The following TIAM2 variants were observed in gnomAD, a reference collection of about 807,000 sequenced individuals.
TIAM2 encodes TIAM Rac1 associated GEF 2.
A neutral mutation model predicts 152.9 loss-of-function variants in TIAM2; 80 were observed. The ratio of observed to expected loss-of-function variants is 0.52; its 90% CI spans 0.44 to 0.63. The LOEUF (loss-of-function observed/expected upper bound fraction) is 0.63. Among genes scored for constraint, TIAM2 ranks in the 30% least tolerant of loss-of-function variants. TIAM2 has a pLI of 0.00. For synonymous variants in TIAM2, 804 were observed against 838.0 expected (o/e 0.96, Z 0.70); for missense variants, 1,965 against 2,120.1 (o/e 0.93, Z 1.44).
Position 155,257,269 on chromosome 6 carries a change from T to A in TIAM2, c.*148T>A. 1 of 882,106 alleles carries A rather than the reference T, an allele frequency of 1.1e-6. No homozygotes were observed. Among genetic ancestry groups the A allele is most frequent in the East Asian group, 2.7e-5 (1 of 37,462 alleles). The allele number at this position is 882,106 out of a possible 1,614,324, so 54.6% of individuals were successfully genotyped here. A position where few individuals can be genotyped will look rare whatever the true frequency, so the allele number is the denominator to read the frequency against. ...TTTCCCACAAAATGGTTGTAAAGAT[T>A]TAAGTTATTTTAATTTATTGTGGAT... On this transcript the variant is annotated 3_prime_UTR_variant, in exon 27 of 27. Coordinates refer to ENST00000682666, the MANE Select transcript of TIAM2 (RefSeq NM_012454.4).
intron 5 of TIAM2, among the ~76,000 whole-genome samples, chr6:155,141,107 C>A (rs1482670122): frequency 2.6e-5 from 4 of 152,152 alleles, no homozygotes; most frequent in African/African-American, 9.7e-5. Context: ...TTGGCTAGGT[C>A]CTGCTTTCCT....
At chr6:155,210,446 GT>G (rs1485911734) in intron 14 of TIAM2, among the ~76,000 whole-genome samples, 1 of 151,552 alleles carries the variant, frequency 6.6e-6, no homozygotes, top group Non-Finnish European at 1.5e-5. Flanking sequence ...AGCCGTCCAA[GT>G]AGCTGGGATT....
Position 155,015,291 on chromosome 6 carries a change from T to C in TIAM2, c.-209+19799T>C, listed in dbSNP as rs139363669. ...GAGTTGGGGGAAGATTACATTTGGG[T>C]CAAGTCAAGGAGAGTTTGGGTTTGA... On this transcript the variant is annotated intron_variant, in intron 1 of 26. Coordinates refer to ENST00000682666, the MANE Select transcript of TIAM2 (RefSeq NM_012454.4). Among the ~76,000 whole-genome samples, 906 of 152,168 alleles carry C rather than the reference T, an allele frequency of 6.0e-3. 9 individuals carry two copies. Among genetic ancestry groups the C allele is most frequent in the Non-Finnish European group, 6.2e-3 (424 of 68,014 alleles).
At position 155,126,800 on chromosome 6, in the gene TIAM2, C is replaced by T. The variant is rs141145617; in HGVS notation, c.-117-690C>T. Among the ~76,000 whole-genome samples, 82 of 150,470 alleles carry T rather than the reference C, an allele frequency of 5.4e-4. 3 individuals carry two copies. Among genetic ancestry groups the T allele is most frequent in the African/African-American group, 2.0e-3 (82 of 40,952 alleles). ...TGTTATCCATGTTTGACCACAATTACAAATAAACTTTTTTTTTTTTTTTTA... is the reference window on the plus strand; with the variant it reads ...TGTTATCCATGTTTGACCACAATTATAAATAAACTTTTTTTTTTTTTTTTA... On this transcript the variant is annotated intron_variant, in intron 2 of 26. Transcript: ENST00000682666.
intron 14 of TIAM2, among the ~76,000 whole-genome samples, chr6:155,187,573 C>CCTTTTTTTTTTTTTTTTTTTT (rs1189509294): frequency 8.1e-5 from 4 of 49,622 alleles, no homozygotes; most frequent in African/African-American, 1.6e-4. Context: ...ACCCCGCCCC[C>CCTTTTTTTTTTTTTTTTTTTT]TTTTTTTTTT....
At chr6:155,029,423 ATAC>A (rs1776749699) in intron 1 of TIAM2, among the ~76,000 whole-genome samples, 1 of 80,056 alleles carries the variant, frequency 1.2e-5, no homozygotes, top group African/African-American at 4.8e-5. Context: ...TATACTATAT[ATAC>A]TATAGTATAT....
chr6:155,181,925 T>C (rs1162190698), intron 12 of TIAM2, among the ~76,000 whole-genome samples: 3 of 152,244 alleles, frequency 2.0e-5, no homozygotes, highest in African/African-American at 7.2e-5. Context: ...CATCCGTCTA[T>C]TGACAGACAG....
Position 155,240,800 on chromosome 6 carries a change from G to C in TIAM2, c.3348+91G>C, listed in dbSNP as rs1583277793. ...AGGTCCCCAGATCACCTCTGCCCAG[G>C]ACACCTGCCACTCCCCAGGGGGGGA... On this transcript the variant is annotated intron_variant, in intron 16 of 26. Coordinates refer to ENST00000682666, the MANE Select transcript of TIAM2 (RefSeq NM_012454.4). 3.7e-6 allele frequency: 5 copies of C among 1,338,306 alleles called. No homozygotes were observed. The East Asian group carries it at 1.0e-4, about 27-fold the overall frequency. 82.9% of individuals were successfully genotyped at this position (1,338,306 alleles called of 1,614,324 possible). A position where few individuals can be genotyped will look rare whatever the true frequency, so the allele number is the denominator to read the frequency against.
chr6:155,187,573 C>CCCTTTTTTTTTTTTTTT (rs1189509294), intron 14 of TIAM2, among the ~76,000 whole-genome samples: 1 of 49,614 alleles, frequency 2.0e-5, no homozygotes, highest in African/African-American at 7.9e-5. Flanking sequence ...ACCCCGCCCC[C>CCCTTTTTTTTTTTTTTT]TTTTTTTTTT....
At chr6:155,045,453 G>GA (rs1777154142) in intron 1 of TIAM2, among the ~76,000 whole-genome samples, 1 of 108,316 alleles carries the variant, frequency 9.2e-6, no homozygotes, top group Non-Finnish European at 2.1e-5. Flanking sequence ...ATACTTATTA[G>GA]AATTTTTTTT....
chr6:155,137,463 A>G lies in TIAM2; in HGVS notation c.1481A>G (p.Glu494Gly). Reference sequence around the variant, plus strand: ...AGCAGCGAGTCACTCAGCTCTCTGGAACAGCTGGATCTGCTCTTTGAGAAG... The same window carrying G: ...AGCAGCGAGTCACTCAGCTCTCTGGGACAGCTGGATCTGCTCTTTGAGAAG... ...ESSSESLSSL[E>G]QLDLLFEKEQ... Residue 494 changes from glutamate to glycine, a missense_variant, in exon 5 of 27, where the codon GAA becomes GGA. By Grantham distance (98) the Glu-to-Gly change is moderately conservative (BLOSUM62 -2). Transcript: ENST00000682666. 6.2e-7 allele frequency: 1 copy of G among 1,614,234 alleles called. No individual in the cohort carries two copies.
intron 1 of TIAM2, among the ~76,000 whole-genome samples, chr6:155,005,606 C>G (rs1778386567): frequency 6.6e-6 from 1 of 151,502 alleles, no homozygotes; most frequent in Non-Finnish European, 1.5e-5. Flanking sequence ...TCTCAAAGTG[C>G]TGGGATTACA....
At position 155,186,574 on chromosome 6, in the gene TIAM2, T is replaced by C. The variant is rs1282277877; in HGVS notation, c.3064+3074T>C. On this transcript the variant is annotated intron_variant, in intron 14 of 26. Transcript: ENST00000682666. The surrounding 1 kb of genome is among the most constrained non-coding windows in gnomAD (Gnocchi z 4.5). ...CATCCAGAGGATAATGTTTCTCCCC[T>C]GCCCCTGTGGTCCCTGTGAGTTTGG... is the stretch of plus-strand genomic sequence containing the variant. 1.3e-5 allele frequency among the ~76,000 whole-genome samples: 2 copies of C among 152,210 alleles called. No homozygotes were observed. Among genetic ancestry groups the C allele is most frequent in the African/African-American group, 4.8e-5 (2 of 41,454 alleles).
chr6:155,104,540 G>C (rs1219055327), intron 2 of TIAM2, among the ~76,000 whole-genome samples: 4 of 152,102 alleles, frequency 2.6e-5, no homozygotes, highest in African/African-American at 9.7e-5. Flanking sequence ...GGCAGATCAT[G>C]AGGTCAGGAG....
intron 7 of TIAM2, among the ~76,000 whole-genome samples, chr6:155,157,848 T>C (rs1211211320): frequency 6.6e-6 from 1 of 152,244 alleles, no homozygotes; most frequent in Non-Finnish European, 1.5e-5. Context: ...CTTGATTTAC[T>C]TGTTTTTATA....
chr6:155,166,544 A>C (rs1048797830), intron 9 of TIAM2, among the ~76,000 whole-genome samples: 5 of 152,066 alleles, frequency 3.3e-5, no homozygotes, highest in African/African-American at 7.2e-5. Context: ...GCTGGTTGTG[A>C]ACTCCTGACC....
In TIAM2 at chr6:155,152,347, GCC is replaced by G. The variant is rs755691038; in HGVS notation, c.2028+4015_2028+4016del. ...TGCTGAGGGAGAGCTGCCCCCACGA[GCC>G]CAGCTTGCCTCCTCTCAGGCCCTGC... On this transcript the variant is annotated intron_variant, in intron 7 of 26. Coordinates refer to ENST00000682666, the MANE Select transcript of TIAM2 (RefSeq NM_012454.4). Among the ~76,000 whole-genome samples, 14 of 152,308 alleles carry G rather than the reference GCC, an allele frequency of 9.2e-5. No individual in the cohort carries two copies. In the East Asian group the frequency reaches 2.7e-3, roughly 29 times the overall value.
At chr6:155,226,952 C>T (rs751019099) in intron 15 of TIAM2, among the ~76,000 whole-genome samples, 2 of 152,166 alleles carry the variant, frequency 1.3e-5, no homozygotes, top group Non-Finnish European at 1.5e-5. Context: ...CTCTGACTGT[C>T]CCGTGGCGAA....
intron 5 of TIAM2, 69 bp downstream of exon 5, chr6:155,137,681 T>A: frequency 6.8e-7 from 1 of 1,474,978 alleles, no homozygotes; most frequent in Middle Eastern, 1.9e-4. Context: ...TGCCAGGAAG[T>A]GCCAAGAGAC....
Sources: allele counts gnomAD v4.1 joint callset (sites outside exome capture counted in the v4.1 genomes callset), GRCh38; gene constraint gnomAD v4.1.1; non-coding constraint Gnocchi (gnomAD v3.1); transcripts MANE v1.5; gene names NCBI Gene and HGNC (gene_info 2026-07-23, HGNC 2026-07-21).